LAMA4: variants seen among roughly 807,000 people sequenced by gnomAD.
LAMA4 encodes laminin subunit alpha 4, also known as laminin subunit alpha-4.
A neutral mutation model predicts 207.1 loss-of-function variants in LAMA4; 127 were observed. The observed-to-expected ratio is 0.61, with a 90% CI of 0.53 to 0.71. The LOEUF (loss-of-function observed/expected upper bound fraction) is 0.71. LAMA4 is among the 30% of genes least tolerant of loss of function. LAMA4 has a pLI of 0.00. For missense variants in LAMA4, 2,093 were observed against 2,246.5 expected (o/e 0.93, Z 1.38); for synonymous variants, 761 against 816.0 (o/e 0.93, Z 1.15).
chr6:112,181,958 G>A (rs1782388402), intron 9 of LAMA4, among the ~76,000 whole-genome samples: 2 of 152,090 alleles, frequency 1.3e-5, no homozygotes, highest in African/African-American at 2.4e-5. Context: ...GTAGCCGGAC[G>A]TGGTGGCACA....
rs1554325858 is a variant in LAMA4, at chr6:112,120,483, AAAAG to A, written c.4476-15_4476-12del. On this transcript the variant is annotated splice_polypyrimidine_tract_variant and intron_variant, in intron 32 of 38. Coordinates refer to ENST00000230538, the MANE Select transcript of LAMA4 (RefSeq NM_001105206.3). ...ATGGAAAACTGAGATCTGGTAAATG[AAAAG>A]AAAGGGATTACCATATGTAAAATGA... is the stretch of plus-strand genomic sequence containing the variant. 2.5e-6 allele frequency: 4 copies of A among 1,601,018 alleles called. No homozygotes were observed. The African/African-American group carries it at 5.4e-5, about 21-fold the overall frequency.
At chr6:112,250,301 T>C (rs758493843) in intron 2 of LAMA4, among the ~76,000 whole-genome samples, 5 of 152,200 alleles carry the variant, frequency 3.3e-5, no homozygotes, top group Non-Finnish European at 7.3e-5. Flanking sequence ...TTAAACATTC[T>C]GCAATCTTTT....
At chr6:112,199,404 C>T (rs1004787907) in intron 5 of LAMA4, among the ~76,000 whole-genome samples, 2 of 151,448 alleles carry the variant, frequency 1.3e-5, no homozygotes, top group African/African-American at 2.4e-5. Context: ...TTGAATTTAA[C>T]CTCAGACACT....
intron 5 of LAMA4, among the ~76,000 whole-genome samples, chr6:112,192,677 C>G (rs1783187319): frequency 6.6e-6 from 1 of 152,220 alleles, no homozygotes; most frequent in Non-Finnish European, 1.5e-5. Flanking sequence ...AGAATGGAGA[C>G]TGAAATCCAT....
At chr6:112,249,408 A>C (rs1787257394) in intron 2 of LAMA4, among the ~76,000 whole-genome samples, 1 of 138,278 alleles carries the variant, frequency 7.2e-6, no homozygotes, top group South Asian at 2.3e-4. Context: ...AAGCCACTGC[A>C]CTCCAGACAG....
At chr6:112,137,434 A>G (rs1323047202) in intron 24 of LAMA4, among the ~76,000 whole-genome samples, 2 of 152,236 alleles carry the variant, frequency 1.3e-5, no homozygotes, top group African/African-American at 2.4e-5. Flanking sequence ...TAAAATAGAG[A>G]AAGAAACTAA....
At chr6:112,183,551 G>C (rs1254105228) in intron 9 of LAMA4, among the ~76,000 whole-genome samples, 1 of 152,108 alleles carries the variant, frequency 6.6e-6, no homozygotes, top group Non-Finnish European at 1.5e-5. Context: ...CATTAGAAGT[G>C]GGGAAATTGT....
intron 30 of LAMA4, 56 bp from the exon 31 acceptor site, chr6:112,129,131 G>A: frequency 6.8e-7 from 1 of 1,461,992 alleles, no homozygotes; most frequent in Non-Finnish European, 9.5e-7. Context: ...AGAATTACAT[G>A]ATGAATATTA....
intron 2 of LAMA4, 77 bp downstream of exon 2, chr6:112,253,879 A>G (rs782578287): frequency 6.2e-7 from 1 of 1,614,194 alleles, no homozygotes; most frequent in Non-Finnish European, 8.5e-7. Flanking sequence ...AGGCGGAGAG[A>G]GAGAGAAGGA....
At position 112,241,172 on chromosome 6, in the gene LAMA4, AATAT is replaced by A. The variant is rs61692382; in HGVS notation, c.195+12780_195+12783del. ...ATGAATATATATATGAATATATATG[AATAT>A]ATATGAATATATATGAATATATATG... On this transcript the variant is annotated intron_variant, in intron 2 of 38. Transcript: ENST00000230538. 5.6e-5 allele frequency among the ~76,000 whole-genome samples: 5 copies of A among 89,388 alleles called. No homozygotes were observed. In the South Asian group the frequency reaches 1.5e-3, roughly 26 times the overall value. 58.6% of individuals were successfully genotyped at this position (89,388 alleles called of 152,430 possible). A position where few individuals can be genotyped will look rare whatever the true frequency, so the allele number is the denominator to read the frequency against.
At chr6:112,181,846 T>G (rs1583817803) in intron 9 of LAMA4, among the ~76,000 whole-genome samples, 1 of 152,000 alleles carries the variant, frequency 6.6e-6, no homozygotes, top group Non-Finnish European at 1.5e-5. Flanking sequence ...CGCCTGTAAT[T>G]CCAGCACTTT....
At chr6:112,140,014 G>T in intron 22 of LAMA4, 129 bp from the exon 23 acceptor site, 2 of 901,516 alleles carry the variant, frequency 2.2e-6, no homozygotes, top group Non-Finnish European at 1.8e-6. Context: ...TTCTAGACCC[G>T]AGTGTGTTTA....
chr6:112,110,021 C>T (rs1777606293), intron 38 of LAMA4, among the ~76,000 whole-genome samples: 1 of 152,204 alleles, frequency 6.6e-6, no homozygotes, highest in African/African-American at 2.4e-5. Context: ...CATTACCCTT[C>T]ACCCTTAAGC....
At chr6:112,225,550 G>A (rs1413692845) in intron 2 of LAMA4, among the ~76,000 whole-genome samples, 4 of 151,956 alleles carry the variant, frequency 2.6e-5, no homozygotes, top group African/African-American at 4.8e-5. Flanking sequence ...CGTTTATTTC[G>A]AATCTGAGGT....
At chr6:112,195,489 G>A (rs1783361950) in intron 5 of LAMA4, among the ~76,000 whole-genome samples, 1 of 152,216 alleles carries the variant, frequency 6.6e-6, no homozygotes, top group African/African-American at 2.4e-5. Flanking sequence ...CCTCAATAAA[G>A]GTTAGCTTTC....
intron 2 of LAMA4, among the ~76,000 whole-genome samples, chr6:112,242,296 T>C (rs1786573773): frequency 6.6e-6 from 1 of 152,236 alleles, no homozygotes; most frequent in South Asian, 2.1e-4. Flanking sequence ...AGCAGTTTGC[T>C]TTGAGGCTTG....
At chr6:112,206,890 G>T in intron 4 of LAMA4, 131 bp downstream of exon 4, 1 of 1,046,970 alleles carries the variant, frequency 9.6e-7, no homozygotes, top group Non-Finnish European at 1.4e-6. Flanking sequence ...ATCTTTTCCA[G>T]TCTCATCTCA....
intron 32 of LAMA4, 176 bp downstream of exon 32, chr6:112,121,838 A>C (rs1317239571): frequency 1.6e-6 from 1 of 618,412 alleles, no homozygotes; most frequent in African/African-American, 1.8e-5. Flanking sequence ...AGTCACAGAG[A>C]ATATAATTCT....
intron 12 of LAMA4, among the ~76,000 whole-genome samples, chr6:112,170,082 T>C (rs1485038240): frequency 1.3e-5 from 2 of 152,252 alleles, no homozygotes; most frequent in African/African-American, 2.4e-5. Flanking sequence ...GAATGGAACA[T>C]GTTAACACAC....
Sources: allele counts gnomAD v4.1 joint callset (sites outside exome capture counted in the v4.1 genomes callset), GRCh38; gene constraint gnomAD v4.1.1; transcripts MANE v1.5; gene names NCBI Gene and HGNC (gene_info 2026-07-23, HGNC 2026-07-21).